HNRNPL: variants seen among roughly 807,000 people sequenced by gnomAD.
The protein encoded by HNRNPL is heterogeneous nuclear ribonucleoprotein L.
HNRNPL carries 12 observed loss-of-function variants against 64.0 expected under a neutral mutation model. The ratio of observed to expected loss-of-function variants is 0.19; its 90% confidence interval spans 0.12 to 0.30. HNRNPL has a LOEUF of 0.30. Ranked by LOEUF, HNRNPL falls within the 10% of genes least tolerant of loss-of-function variation. The pLI is 1.00. For missense variants in HNRNPL, 484 were observed against 797.4 expected (o/e 0.61, Z 4.73); for synonymous variants, 385 against 313.0 (o/e 1.23, Z -2.43).
intron 9 of HNRNPL, 37 bp from the exon 10 acceptor site, chr19:38,838,635 C>A: frequency 2.5e-6 from 4 of 1,589,530 alleles, no homozygotes; most frequent in Non-Finnish European, 3.4e-6. Flanking sequence ...TTGTCATACC[C>A]AAAGTTGTCC....
upstream of HNRNPL, chr19:38,851,138 A>C (rs1972493252): frequency 1.3e-5 from 2 of 152,498 alleles, no homozygotes; most frequent in African/African-American, 4.8e-5. Context: ...GCCACCTACC[A>C]AGCGCCCAGT....
Position 38,837,112 on chromosome 19 carries a change from GTC to G in HNRNPL, c.1711+270_1711+271del, listed in dbSNP as rs754395881. 2.2e-4 allele frequency: 123 copies of G among 558,558 alleles called. No individual in the cohort carries two copies. The East Asian group carries it at 3.6e-3, about 16-fold the overall frequency. 34.6% of individuals were successfully genotyped at this position (558,558 alleles called of 1,614,324 possible). On this transcript the variant is annotated intron_variant, in intron 12 of 12. Coordinates refer to ENST00000221419, the MANE Select transcript of HNRNPL (RefSeq NM_001533.3). Reference sequence around the variant, plus strand: ...CAGAGTGGCTTTCCTACCTAAGCCAGTCTCTGATGCAAAGAAGAGAATGCCAC... The same window carrying G: ...CAGAGTGGCTTTCCTACCTAAGCCAGTCTGATGCAAAGAAGAGAATGCCAC...
At chr19:38,840,792 T>C in intron 6 of HNRNPL, 1 of 542,674 alleles carries the variant, frequency 1.8e-6, no homozygotes. Flanking sequence ...GGCCTTGTTC[T>C]GTGAAGGACA....
chr19:38,848,294 T>A (rs1433762754), intron 1 of HNRNPL, among the ~76,000 whole-genome samples: 1 of 152,112 alleles, frequency 6.6e-6, no homozygotes, highest in African/African-American at 2.4e-5. Context: ...AGTTTTGCCA[T>A]GTTGACCAGG....
Position 38,847,424 on chromosome 19 carries a change from T to C in HNRNPL, c.278A>G (p.Asp93Gly). 1 of 1,515,390 alleles carries C rather than the reference T, an allele frequency of 6.6e-7. No homozygotes were observed. Among genetic ancestry groups the C allele is most frequent in the Non-Finnish European group, 8.8e-7 (1 of 1,131,094 alleles). The allele number at this position is 1,515,390 out of a possible 1,614,324, so 93.9% of individuals were successfully genotyped here. A position where few individuals can be genotyped will look rare whatever the true frequency, so the allele number is the denominator to read the frequency against. Residue 93 changes from aspartate to glycine, a missense_variant, in exon 2 of 13, where the codon GAT becomes GGT. This residue lies in a region of HNRNPL where 190 missense variants were observed against 160.1 expected (regional missense o/e 1.19). Transcript: ENST00000221419. ...GGAGGCAGGGGTTTTGTGCGGGTCA[T>C]CGTAGTTCTCCTGAGAAAGGAAGCA... The part of the protein sequence containing the change: ...AGGGGGGENY[D>G]DPHKTPASPV...
chr19:38,842,626 G>A (rs1044673774), intron 6 of HNRNPL, among the ~76,000 whole-genome samples: 1 of 152,088 alleles, frequency 6.6e-6, no homozygotes, highest in African/African-American at 2.4e-5. Flanking sequence ...GGAAGAGCTA[G>A]TGGTTTTCTA....
At chr19:38,839,878 A>C (rs1013806869) in intron 8 of HNRNPL, among the ~76,000 whole-genome samples, 1 of 152,194 alleles carries the variant, frequency 6.6e-6, no homozygotes, top group Admixed American at 6.5e-5. Context: ...TATGTGATAA[A>C]ATCTTTTTTT....
chr19:38,846,950 C>T (rs1417362958), intron 2 of HNRNPL, among the ~76,000 whole-genome samples: 3 of 152,064 alleles, frequency 2.0e-5, no homozygotes, highest in Middle Eastern at 3.4e-3. Flanking sequence ...AAAAATTAGC[C>T]GGGCATGGTG....
chr19:38,837,220 G>C (rs981919526), intron 12 of HNRNPL, 164 bp downstream of exon 12: 8 of 627,688 alleles, frequency 1.3e-5, no homozygotes, highest in Non-Finnish European at 2.3e-5. Flanking sequence ...CTCCCAAGAG[G>C]AGCACAGGCT....
intron 6 of HNRNPL, chr19:38,843,605 C>T (rs1166148911): frequency 3.7e-6 from 2 of 544,624 alleles, no homozygotes; most frequent in Non-Finnish European, 3.3e-6. Context: ...CCCATCCAGG[C>T]TTCTGCCTTG....
In HNRNPL at chr19:38,838,689, T is replaced by C; in HGVS notation, c.1356-91A>G. On this transcript the variant is annotated intron_variant, in intron 9 of 12. Coordinates refer to ENST00000221419, the MANE Select transcript of HNRNPL (RefSeq NM_001533.3). ...GCCTCCAGAGGCTTAGCTTGCCCTG[T>C]GTGCCTTGGGGCATTGCTCTACACC... is the stretch of plus-strand genomic sequence containing the variant. The C allele has an allele frequency of 5.7e-6, 8 of 1,396,404 alleles. No homozygotes were observed. In the South Asian group the frequency reaches 7.2e-5, roughly 13 times the overall value. The allele number at this position is 1,396,404 out of a possible 1,614,324, so 86.5% of individuals were successfully genotyped here. A position where few individuals can be genotyped will look rare whatever the true frequency, so the allele number is the denominator to read the frequency against.
At chr19:38,848,567 G>C (rs1382775609) in intron 1 of HNRNPL, among the ~76,000 whole-genome samples, 1 of 152,162 alleles carries the variant, frequency 6.6e-6, no homozygotes, top group Admixed American at 6.5e-5. Flanking sequence ...GAGAATCACT[G>C]GGCAGAAGTG....
intron 6 of HNRNPL, chr19:38,841,341 A>G (rs566429841): frequency 8.7e-6 from 3 of 346,588 alleles, no homozygotes; most frequent in Middle Eastern, 1.1e-3. Flanking sequence ...TTTCAGCCCC[A>G]TTTTACAGAT....
chr19:38,849,512 G>C, intron 1 of HNRNPL, 188 bp downstream of exon 1: 1 of 773,782 alleles, frequency 1.3e-6, no homozygotes, highest in African/African-American at 1.8e-5. Flanking sequence ...CGGACCCCGC[G>C]CACGCGCAGG....
At chr19:38,840,431 G>A (rs544465888) in intron 7 of HNRNPL, 55 bp from the exon 8 acceptor site, 29 of 1,552,350 alleles carry the variant, frequency 1.9e-5, no homozygotes, top group South Asian at 1.5e-4. Flanking sequence ...CACGGCGGGC[G>A]GCGGGCAGGG....
At chr19:38,845,578 C>G in intron 4 of HNRNPL, 72 bp downstream of exon 4, 1 of 1,257,500 alleles carries the variant, frequency 8.0e-7, no homozygotes, top group Non-Finnish European at 1.2e-6. Flanking sequence ...CATGCTGGCT[C>G]AAAGAATGGC....
At chr19:38,838,307 A>C in intron 10 of HNRNPL, 90 bp downstream of exon 10, 1 of 1,080,506 alleles carries the variant, frequency 9.3e-7, no homozygotes, top group Non-Finnish European at 1.4e-6. Context: ...CAGGAGTTCA[A>C]CAGCTATTTG....
At chr19:38,837,702 C>G in intron 10 of HNRNPL, 51 bp from the exon 11 acceptor site, 1 of 1,535,052 alleles carries the variant, frequency 6.5e-7, no homozygotes, top group South Asian at 1.1e-5. Context: ...AGGGCCGCCA[C>G]ACAGGATTCA....
At chr19:38,847,086 GA>G (rs1317477937) in intron 2 of HNRNPL, among the ~76,000 whole-genome samples, 2 of 152,108 alleles carry the variant, frequency 1.3e-5, no homozygotes, top group African/African-American at 4.8e-5. Context: ...CTGAAAAAGA[GA>G]ACACTGACTA....
Sources: allele counts gnomAD v4.1 joint callset (sites outside exome capture counted in the v4.1 genomes callset), GRCh38; gene constraint gnomAD v4.1.1; regional missense constraint gnomAD v4.1.1; transcripts MANE v1.5; gene names NCBI Gene and HGNC (gene_info 2026-07-23, HGNC 2026-07-21).